PAK5: variants seen among roughly 807,000 people sequenced by gnomAD.
The protein encoded by PAK5 is serine/threonine-protein kinase PAK 5.
Under a neutral mutation model 65.9 loss-of-function variants are expected in PAK5, and 16 were observed. The observed-to-expected ratio is 0.24, with a 90% confidence interval of 0.16 to 0.37. The LOEUF (loss-of-function observed/expected upper bound fraction) is 0.37, where lower values mean the gene tolerates loss of function less well. Among genes scored for constraint, PAK5 ranks in the 10% least tolerant of loss-of-function variants. The pLI is 1.00. For missense variants in PAK5, 785 were observed against 903.9 expected, an observed-to-expected ratio of 0.87 and a Z score of 1.69; for synonymous variants, 371 against 354.9, an observed-to-expected ratio of 1.05 and a Z score of -0.51.
chr20:9,759,983 C>T (rs1286862467), intron 1 of PAK5, among the ~76,000 whole-genome samples: 1 of 152,120 alleles, frequency 6.6e-6, no homozygotes, highest in Non-Finnish European at 1.5e-5. Context: ...AGCTGCTATC[C>T]TACTGGGAGG....
At chr20:9,770,786 C>T (rs4816175) in intron 1 of PAK5, among the ~76,000 whole-genome samples, 121,414 of 152,050 alleles carry the variant, frequency 0.8, 48,827 homozygotes, top group African/African-American at 0.91. Context: ...GTTGAAGAAT[C>T]GTTGGAGTTG....
intron 2 of PAK5, among the ~76,000 whole-genome samples, chr20:9,709,041 G>T (rs1352499064): frequency 6.6e-6 from 1 of 151,994 alleles, no homozygotes; most frequent in African/African-American, 2.4e-5. Context: ...TCAACCTAAG[G>T]CACCATTACT....
At chr20:9,607,895 G>A (rs1600133779) in intron 3 of PAK5, among the ~76,000 whole-genome samples, 1 of 152,150 alleles carries the variant, frequency 6.6e-6, no homozygotes, top group Non-Finnish European at 1.5e-5. Context: ...ACTATTAGTC[G>A]ATTTAGACTG....
chr20:9,655,765 C>T (rs6056782), intron 2 of PAK5, among the ~76,000 whole-genome samples: 7,071 of 152,112 alleles, frequency 0.046, 526 homozygotes, highest in African/African-American at 0.16. Flanking sequence ...GATTGGGTGG[C>T]TTAAGCAAGA....
chr20:9,551,809 G>A (rs939101955), intron 7 of PAK5, among the ~76,000 whole-genome samples: 2 of 152,164 alleles, frequency 1.3e-5, no homozygotes, highest in African/African-American at 4.8e-5. Context: ...CAGAATCTCT[G>A]GGGTTGGGGC....
intron 2 of PAK5, among the ~76,000 whole-genome samples, chr20:9,660,274 C>A (rs2047326579): frequency 6.7e-6 from 1 of 150,274 alleles, no homozygotes; most frequent in African/African-American, 2.4e-5. Flanking sequence ...TGGCTGTGGG[C>A]AAGTGACAAG....
chr20:9,669,923 TC>T (rs5840324), intron 2 of PAK5, among the ~76,000 whole-genome samples: 16,033 of 151,624 alleles, frequency 0.11, 1,201 homozygotes, highest in African/African-American at 0.22. Flanking sequence ...CCCTTCTGCC[TC>T]CCCCCCACCC....
At chr20:9,786,791 T>G (rs765155515) in intron 1 of PAK5, among the ~76,000 whole-genome samples, 2 of 152,164 alleles carry the variant, frequency 1.3e-5, no homozygotes, top group African/African-American at 2.4e-5. Context: ...GTTTCAATAC[T>G]TTTTTAGTCT....
chr20:9,637,068 G>A (rs1225162210), intron 3 of PAK5, among the ~76,000 whole-genome samples: 2 of 152,104 alleles, frequency 1.3e-5, no homozygotes, highest in South Asian at 2.1e-4. Flanking sequence ...TGGTTCAATC[G>A]TGGCTCACTG....
At chr20:9,629,686 C>A (rs2046896861) in intron 3 of PAK5, among the ~76,000 whole-genome samples, 1 of 152,178 alleles carries the variant, frequency 6.6e-6, no homozygotes, top group Non-Finnish European at 1.5e-5. Flanking sequence ...TGTGACCTCA[C>A]ATAGCCTTAA....
chr20:9,712,078 T>C (rs2048083808), intron 1 of PAK5, among the ~76,000 whole-genome samples: 2 of 152,184 alleles, frequency 1.3e-5, no homozygotes, highest in Non-Finnish European at 2.9e-5. Flanking sequence ...GTTTTCTCCA[T>C]AAGGCACGTG....
intron 2 of PAK5, among the ~76,000 whole-genome samples, chr20:9,647,272 C>G (rs1268164433): frequency 6.6e-6 from 1 of 152,164 alleles, no homozygotes; most frequent in Non-Finnish European, 1.5e-5. Flanking sequence ...ATAATTAGCT[C>G]TATACACCAT....
In PAK5 at chr20:9,566,199, C is replaced by A. The variant is rs772238857; in HGVS notation, c.1176G>T (p.Ser392=). ...GGTAGGAAGCCGTGGAGATGTACTG[C>A]GAACTGCTCTGCAGGGAGGGGTGAT... The part of the protein sequence containing the change: ...LYHHPSLQSS[S]QYISTASYLS... Residue 392 remains serine, a synonymous_variant, in exon 5 of 10, where the codon TCG becomes TCT. Coordinates refer to ENST00000353224, the MANE Select transcript of PAK5 (RefSeq NM_177990.4). 1.9e-6 allele frequency: 3 copies of A among 1,613,580 alleles called. No individual in the cohort carries two copies. The highest frequency in any genetic ancestry group is 1.7e-5 in the Admixed American group (1 of 59,988).
rs146826780 is a variant in PAK5 at position 9,566,247 on chromosome 20, C to T, written c.1128G>A (p.Gly376=). ...GATGGTACAAGGTGGCTTTGTGGTACCCAGACGGGTACTGGTGACTGCTTG... is the reference window on the plus strand; with the variant it reads ...GATGGTACAAGGTGGCTTTGTGGTATCCAGACGGGTACTGGTGACTGCTTG... The part of the protein sequence containing the change: ...YSSSSHQYPS[G]YHKATLYHHP... The change falls in exon 5 of 10, where the codon GGG becomes GGA. Residue 376 remains glycine, a synonymous_variant. Coordinates refer to ENST00000353224, the MANE Select transcript of PAK5 (RefSeq NM_177990.4). The T allele has an allele frequency of 1.5e-4, 242 of 1,613,702 alleles. 1 individual carries two copies. The African/African-American group carries it at 2.8e-3, about 19-fold the overall frequency.
intron 1 of PAK5, among the ~76,000 whole-genome samples, chr20:9,778,374 A>G (rs2048907500): frequency 6.6e-6 from 1 of 152,086 alleles, no homozygotes; most frequent in Non-Finnish European, 1.5e-5. Flanking sequence ...TGTGGCTAGG[A>G]CTACAGGTGC....
At chr20:9,807,690 T>C (rs1263367264) in intron 1 of PAK5, among the ~76,000 whole-genome samples, 1 of 151,620 alleles carries the variant, frequency 6.6e-6, no homozygotes, top group Non-Finnish European at 1.5e-5. Context: ...TGCAGTTAAT[T>C]TGGGGGCCTT....
chr20:9,803,145 G>GA (rs1240650226), intron 1 of PAK5, among the ~76,000 whole-genome samples: 4 of 150,682 alleles, frequency 2.7e-5, no homozygotes, highest in Admixed American at 6.6e-5. Context: ...ACAAAAACAA[G>GA]AAAAAAAACA....
chr20:9,725,903 A>T (rs1013255349), intron 1 of PAK5, among the ~76,000 whole-genome samples: 1 of 152,196 alleles, frequency 6.6e-6, no homozygotes, highest in African/African-American at 2.4e-5. Context: ...ATAACAAATT[A>T]TGACTCCAAA....
At chr20:9,763,643 T>C (rs867210188) in intron 1 of PAK5, among the ~76,000 whole-genome samples, 2 of 152,032 alleles carry the variant, frequency 1.3e-5, no homozygotes, top group Non-Finnish European at 2.9e-5. Flanking sequence ...TTAGCAAATA[T>C]GACAGGAGTG....
Sources: allele counts gnomAD v4.1 joint callset (sites outside exome capture counted in the v4.1 genomes callset), GRCh38; gene constraint gnomAD v4.1.1; transcripts MANE v1.5; gene names NCBI Gene and HGNC (gene_info 2026-07-23, HGNC 2026-07-21).